The following ARB2A variants were observed in gnomAD, a reference collection of about 807,000 sequenced individuals.
ARB2A encodes the protein cotranscriptional regulator ARB2A.
the ARB2A span, among the ~76,000 whole-genome samples, chr5:93,768,179 G>A: frequency 6.6e-6 from 1 of 151,686 alleles, no homozygotes; most frequent in East Asian, 1.9e-4. Flanking sequence ...TGATATAATG[G>A]ACTTTGGGGA....
the ARB2A span, among the ~76,000 whole-genome samples, chr5:93,904,638 T>C: frequency 2.6e-5 from 4 of 151,918 alleles, no homozygotes; most frequent in East Asian, 5.8e-4. Context: ...GCATTGCACA[T>C]TGCAGACATT....
At chr5:93,941,834 A>G in the ARB2A span, among the ~76,000 whole-genome samples, 2 of 152,140 alleles carry the variant, frequency 1.3e-5, no homozygotes, top group Non-Finnish European at 2.9e-5. Flanking sequence ...AGACCTTGTA[A>G]TATTTTTCTT....
the ARB2A span, among the ~76,000 whole-genome samples, chr5:93,858,970 A>T: frequency 6.6e-6 from 1 of 152,196 alleles, no homozygotes; most frequent in Non-Finnish European, 1.5e-5. Flanking sequence ...AGAGGATAGA[A>T]GATTAAAATG....
At chr5:93,862,126 A>G in the ARB2A span, 1 of 152,250 alleles carries the variant, frequency 6.6e-6, no homozygotes, top group Non-Finnish European at 1.5e-5. Flanking sequence ...AGTGAAATAT[A>G]TTCAATGGTA....
chr5:93,857,855 C>T, the ARB2A span, among the ~76,000 whole-genome samples: 1 of 152,198 alleles, frequency 6.6e-6, no homozygotes, highest in Non-Finnish European at 1.5e-5. Flanking sequence ...GATGGAAATG[C>T]AGAAATCACC....
chr5:93,833,276 G>C, the ARB2A span, among the ~76,000 whole-genome samples: 7 of 152,174 alleles, frequency 4.6e-5, no homozygotes, highest in Non-Finnish European at 5.9e-5. Context: ...CAATGATACT[G>C]TGGACAAAAT....
At chr5:93,766,423 A>C in the ARB2A span, among the ~76,000 whole-genome samples, 1 of 152,206 alleles carries the variant, frequency 6.6e-6, no homozygotes, top group Non-Finnish European at 1.5e-5. Context: ...ATGCAGCCAA[A>C]AGACACATGA....
the ARB2A span, among the ~76,000 whole-genome samples, chr5:94,037,306 G>A: frequency 6.6e-6 from 1 of 152,246 alleles, no homozygotes; most frequent in South Asian, 2.1e-4. Flanking sequence ...ATTAGACAGA[G>A]ATGAAAGTAA....
At chr5:93,759,648 C>T in the ARB2A span, among the ~76,000 whole-genome samples, 2 of 152,180 alleles carry the variant, frequency 1.3e-5, no homozygotes, top group African/African-American at 4.8e-5. Context: ...ACAAAAATCA[C>T]ATGATCATCT....
the ARB2A span, among the ~76,000 whole-genome samples, chr5:93,700,603 A>G: frequency 6.6e-6 from 1 of 152,218 alleles, no homozygotes; most frequent in East Asian, 1.9e-4. Flanking sequence ...ATCATAATCA[A>G]TTTTCTATTT....
the ARB2A span, among the ~76,000 whole-genome samples, chr5:93,822,449 C>T: frequency 6.6e-6 from 1 of 152,178 alleles, no homozygotes; most frequent in African/African-American, 2.4e-5. Context: ...TTTTCGTAAA[C>T]TGTCTTAAAG....
the ARB2A span, among the ~76,000 whole-genome samples, chr5:94,031,951 A>G: frequency 6.6e-6 from 1 of 152,222 alleles, no homozygotes; most frequent in Non-Finnish European, 1.5e-5. Context: ...TGATGGTGTC[A>G]GCATGGTGCT....
At chr5:93,915,294 C>A in the ARB2A span, among the ~76,000 whole-genome samples, 3 of 151,716 alleles carry the variant, frequency 2.0e-5, no homozygotes, top group African/African-American at 7.2e-5. Flanking sequence ...CTTGTGGACT[C>A]AAAAATATTT....
At chr5:94,083,115 T>C in the ARB2A span, among the ~76,000 whole-genome samples, 1 of 152,196 alleles carries the variant, frequency 6.6e-6, no homozygotes, top group Non-Finnish European at 1.5e-5. Context: ...TTACAGGAAA[T>C]AAACTCTGTG....
chr5:94,007,295 T>C, the ARB2A span, among the ~76,000 whole-genome samples: 1 of 152,060 alleles, frequency 6.6e-6, no homozygotes, highest in Non-Finnish European at 1.5e-5. Flanking sequence ...ATTAAAAGTA[T>C]AAGAGGGAAA....
the ARB2A span, among the ~76,000 whole-genome samples, chr5:94,093,899 C>T: frequency 6.6e-6 from 1 of 152,100 alleles, no homozygotes; most frequent in Non-Finnish European, 1.5e-5. Context: ...AATAGACATT[C>T]CCATTCCAAA....
the ARB2A span, among the ~76,000 whole-genome samples, chr5:93,854,916 GA>G: frequency 6.6e-6 from 1 of 152,124 alleles, no homozygotes; most frequent in African/African-American, 2.4e-5. Flanking sequence ...CTGCAGTGCT[GA>G]AAAAAATGTA....
chr5:93,788,696 GAATTAT>G, the ARB2A span, among the ~76,000 whole-genome samples: 28 of 152,162 alleles, frequency 1.8e-4, no homozygotes, highest in Non-Finnish European at 3.5e-4. Context: ...CTGCCAAATT[GAATTAT>G]GATTTAATTT....
At chr5:93,942,471 T>C in the ARB2A span, among the ~76,000 whole-genome samples, 6 of 152,168 alleles carry the variant, frequency 3.9e-5, no homozygotes, top group South Asian at 1.2e-3. Context: ...TTTGTGTTTA[T>C]TAAAAAAACT....
Sources: allele counts gnomAD v4.1 joint callset (sites outside exome capture counted in the v4.1 genomes callset), GRCh38; gene constraint gnomAD v4.1.1; transcripts MANE v1.5; gene names NCBI Gene and HGNC (gene_info 2026-07-23, HGNC 2026-07-21).